The following DMD variants were observed in gnomAD, a reference collection of about 807,000 sequenced individuals.
DMD encodes the protein dystrophin, also known as mutant dystrophin.
DMD carries 63 observed loss-of-function variants against 330.1 expected under a neutral mutation model. That is an observed-to-expected ratio of 0.19 (90% CI 0.16 to 0.24). The LOEUF (loss-of-function observed/expected upper bound fraction) is 0.24, where lower values mean the gene tolerates loss of function less well. Ranked by LOEUF, DMD falls within the 10% of genes least tolerant of loss-of-function variation. The pLI is 1.00. For missense variants in DMD, 3,344 were observed against 2,684.1 expected (o/e 1.25, Z -5.43); for synonymous variants, 1,223 against 959.8 (o/e 1.27, Z -5.07).
chrX:31,415,160 T>C (rs906921953), intron 60 of DMD, among the ~76,000 whole-genome samples: 12 of 112,485 alleles, frequency 1.1e-4, no homozygotes, highest in Non-Finnish European at 1.7e-4. Flanking sequence ...TCATTCTATA[T>C]GCAAGTTATT....
chrX:32,981,400 A>G (rs2092704619), intron 2 of DMD, among the ~76,000 whole-genome samples: 1 of 111,268 alleles, frequency 9.0e-6, no homozygotes, highest in African/African-American at 3.3e-5. Flanking sequence ...GCAAATTTCA[A>G]TTTTATGCGG....
At chrX:32,248,552 C>T (rs760313551) in intron 43 of DMD, among the ~76,000 whole-genome samples, 3 of 109,026 alleles carry the variant, frequency 2.8e-5, no homozygotes, top group South Asian at 3.9e-4. Flanking sequence ...CAGAAACCCA[C>T]TTTATATTCT....
intron 43 of DMD, among the ~76,000 whole-genome samples, chrX:32,252,747 T>TATATATAA (rs2097274249): frequency 2.9e-5 from 1 of 35,025 alleles, no homozygotes; most frequent in Non-Finnish European, 4.6e-5. Context: ...TATATATAAA[T>TATATATAA]ATATATAAAT....
intron 41 of DMD, among the ~76,000 whole-genome samples, chrX:32,322,213 C>A (rs2097620293): frequency 9.0e-6 from 1 of 111,006 alleles, no homozygotes; most frequent in South Asian, 3.8e-4. Context: ...GAAAATTTTC[C>A]AGAGCTAAAG....
At chrX:33,041,079 TA>T (rs772435575) in intron 1 of DMD, among the ~76,000 whole-genome samples, 22 of 112,928 alleles carry the variant, frequency 1.9e-4, no homozygotes, top group Non-Finnish European at 3.4e-4. Context: ...AATGTTAATG[TA>T]GCAATTGCAA....
intron 34 of DMD, among the ~76,000 whole-genome samples, chrX:32,370,169 C>T (rs1000829751): frequency 6.4e-5 from 7 of 108,564 alleles, no homozygotes; most frequent in Non-Finnish European, 1.3e-4. Flanking sequence ...TTTAAGGATT[C>T]GGAAATTGAG....
At chrX:32,080,743 C>G (rs909184175) in intron 44 of DMD, among the ~76,000 whole-genome samples, 7 of 111,584 alleles carry the variant, frequency 6.3e-5, no homozygotes, top group African/African-American at 2.0e-4. Context: ...GCCTTCAGCT[C>G]TCAGTTTTAG....
chrX:33,204,396 G>T (rs1342623421), intron 1 of DMD, among the ~76,000 whole-genome samples: 1 of 111,317 alleles, frequency 9.0e-6, no homozygotes, highest in Non-Finnish European at 1.9e-5. Flanking sequence ...TGCTCCCTCT[G>T]ACAGGGACAT....
At position 31,729,716 on chromosome X, in the gene DMD, G is replaced by C. The variant is rs1569308187; in HGVS notation, c.7575C>G (p.Pro2525=). The C allele has an allele frequency of 8.3e-7, 1 of 1,211,074 alleles. No individual in the cohort carries two copies. Residue 2525 remains proline, a synonymous_variant, in exon 52 of 79, where the codon CCC becomes CCG. Transcript: ENST00000357033. The part of the protein sequence containing the change: ...ATMQDLEQRR[P]QLEELITAAQ... ...CAGCGGTAATGAGTTCTTCCAACTG[G>C]GGACGCCTCTGTTCCAAATCCTGCA...
chrX:32,540,365 T>C lies in DMD; in HGVS notation c.2168+4794A>G, dbSNP rs2048378886. Reference sequence around the variant, plus strand: ...AACATATGTAGAAACTGTATAATTATTTAGGAATCGACTAAATGTACCTTA... The same window carrying C: ...AACATATGTAGAAACTGTATAATTACTTAGGAATCGACTAAATGTACCTTA... On this transcript the variant is annotated intron_variant, in intron 17 of 78. Transcript: ENST00000357033. Among the ~76,000 whole-genome samples, 4 of 111,900 alleles carry C rather than the reference T, an allele frequency of 3.6e-5. No homozygotes were observed. The South Asian group carries it at 1.5e-3, about 41-fold the overall frequency.
chrX:32,725,597 A>C (rs983525295), intron 7 of DMD, among the ~76,000 whole-genome samples: 6 of 110,850 alleles, frequency 5.4e-5, no homozygotes, highest in Non-Finnish European at 1.1e-4. Flanking sequence ...AACAATTGCA[A>C]ATATTTAGGC....
intron 21 of DMD, among the ~76,000 whole-genome samples, chrX:32,482,357 C>G (rs1005652438): frequency 9.0e-6 from 1 of 111,252 alleles, no homozygotes; most frequent in African/African-American, 3.3e-5. Flanking sequence ...TCTGCCTGTA[C>G]AGATTTGCCT....
chrX:32,984,228 G>A (rs1318010506), intron 2 of DMD, among the ~76,000 whole-genome samples: 1 of 112,009 alleles, frequency 8.9e-6, no homozygotes, highest in Non-Finnish European at 1.9e-5. Context: ...TGTGAGTGTA[G>A]GAGAGTTATT....
At chrX:31,371,116 C>T (rs2059545811) in intron 60 of DMD, among the ~76,000 whole-genome samples, 1 of 111,266 alleles carries the variant, frequency 9.0e-6, no homozygotes, top group Non-Finnish European at 1.9e-5. Context: ...ATATTGACGT[C>T]AAAATCCTGG....
intron 7 of DMD, among the ~76,000 whole-genome samples, chrX:32,714,266 C>T (rs5971657): frequency 0.018 from 2,056 of 111,344 alleles, 45 homozygotes; most frequent in African/African-American, 0.062. Flanking sequence ...GTGTACCCAT[C>T]ACACAAATAG....
chrX:32,697,734 A>G, intron 9 of DMD, 136 bp downstream of exon 9: 2 of 850,675 alleles, frequency 2.4e-6, no homozygotes, highest in Non-Finnish European at 1.7e-6. Flanking sequence ...GAGGGAATCA[A>G]TAAAACTTGG....
Position 32,636,731 on chromosome X carries a change from T to C in DMD, c.1331+7401A>G, listed in dbSNP as rs928373817. Among the ~76,000 whole-genome samples the C allele has an allele frequency of 6.3e-5, 7 of 111,700 alleles. No homozygotes were observed. The South Asian group carries it at 1.1e-3, about 18-fold the overall frequency. On this transcript the variant is annotated intron_variant, in intron 11 of 78. Transcript: ENST00000357033. Reference sequence around the variant, plus strand: ...ATTCTTGGCCAGGCGTGGTGGCTCATGCCTGTAATCCCAGCACTGAGGCTG... The same window carrying C: ...ATTCTTGGCCAGGCGTGGTGGCTCACGCCTGTAATCCCAGCACTGAGGCTG...
chrX:32,779,879 G>C (rs528000706), intron 7 of DMD, among the ~76,000 whole-genome samples: 1 of 111,098 alleles, frequency 9.0e-6, no homozygotes, highest in African/African-American at 3.3e-5. Context: ...ATCAAAAAAA[G>C]AAAAATTTTA....
chrX:33,219,720 T>G (rs1006495873), intron 1 of DMD, among the ~76,000 whole-genome samples: 3 of 111,630 alleles, frequency 2.7e-5, no homozygotes, highest in African/African-American at 9.8e-5. Context: ...TTAATGAAGA[T>G]TTTTAAAGAT....
Sources: gnomAD v4.1 joint callset for allele counts (sites outside exome capture counted in the v4.1 genomes callset) on GRCh38, gnomAD v4.1.1 for gene constraint, MANE v1.5 for transcripts, NCBI Gene and HGNC (gene_info 2026-07-23, HGNC 2026-07-21) for gene names.